The following RBFOX1 variants were observed in gnomAD, a reference collection of about 807,000 sequenced individuals.
The protein encoded by RBFOX1 is RNA binding protein fox-1 homolog 1.
Under a neutral mutation model 57.7 loss-of-function variants are expected in RBFOX1, and 8 were observed. The ratio of observed to expected loss-of-function variants is 0.14; its 90% CI spans 0.08 to 0.25. RBFOX1 has a LOEUF of 0.25. Among genes scored for constraint, RBFOX1 ranks in the 10% least tolerant of loss-of-function variants. The pLI is 1.00. For synonymous variants in RBFOX1, 326 were observed against 222.4 expected (o/e 1.47, Z -4.15); for missense variants, 611 against 548.5 (o/e 1.11, Z -1.14).
At position 7,014,746 on chromosome 16, in the gene RBFOX1, A is replaced by G. The variant is rs534782337; in HGVS notation, c.-15-37311A>G. ...TTCTTTACCAGGTTGTTTTTTCGAG[A>G]TGGAGTCTCGCTCTGTCACCCAGGC... On this transcript the variant is annotated intron_variant, in intron 3 of 15. Transcript: ENST00000550418. Among the ~76,000 whole-genome samples, 4 of 150,262 alleles carry G rather than the reference A, an allele frequency of 2.7e-5. No individual in the cohort carries two copies. The South Asian group carries it at 8.5e-4, about 32-fold the overall frequency.
At chr16:5,479,517 G>C (rs1597233118) in intron 2 of RBFOX1, among the ~76,000 whole-genome samples, 1 of 152,134 alleles carries the variant, frequency 6.6e-6, no homozygotes, top group Admixed American at 6.5e-5. Context: ...CCAGCACTTT[G>C]GGAGGCTGAG....
At chr16:6,310,668 A>G (rs114406204) in intron 1 of RBFOX1, among the ~76,000 whole-genome samples, 3 of 152,146 alleles carry the variant, frequency 2.0e-5, no homozygotes, top group African/African-American at 7.2e-5. Flanking sequence ...ATGTCAAACT[A>G]TTTGTCAAAC....
At chr16:6,110,195 C>CTTTT (rs3049169) in intron 1 of RBFOX1, among the ~76,000 whole-genome samples, 21 of 128,238 alleles carry the variant, frequency 1.6e-4, no homozygotes, top group African/African-American at 4.7e-4. Context: ...TTTTCTTCTT[C>CTTTT]TTTTTTTTTT....
At chr16:7,217,844 GCATGTGTGTGGGCATGTGTGTA>G (rs1436270495) in intron 4 of RBFOX1, among the ~76,000 whole-genome samples, 1 of 152,196 alleles carries the variant, frequency 6.6e-6, no homozygotes, top group Non-Finnish European at 1.5e-5. Flanking sequence ...ACTACTCACT[GCATGTGTGTGGGCATGTGTGTA>G]CACGCGTGTG....
chr16:5,908,279 C>CATAT (rs202003225), intron 4 of RBFOX1, among the ~76,000 whole-genome samples: 3 of 142,822 alleles, frequency 2.1e-5, no homozygotes, highest in South Asian at 2.3e-4. Context: ...TATATACATA[C>CATAT]ATATATATAC....
At chr16:5,809,119 C>T (rs182016474) in intron 3 of RBFOX1, among the ~76,000 whole-genome samples, 88 of 152,294 alleles carry the variant, frequency 5.8e-4, no homozygotes, top group African/African-American at 1.8e-3. Context: ...TGGCTAGCCA[C>T]ATGGAGAAAG....
chr16:5,842,079 A>G (rs1329607545), intron 3 of RBFOX1, among the ~76,000 whole-genome samples: 2 of 152,088 alleles, frequency 1.3e-5, no homozygotes, highest in Non-Finnish European at 2.9e-5. Flanking sequence ...GCCCTGAATC[A>G]TGGATTTTGT....
intron 3 of RBFOX1, among the ~76,000 whole-genome samples, chr16:5,679,661 C>T (rs74004486): frequency 0.024 from 3,704 of 152,240 alleles, 156 homozygotes; most frequent in African/African-American, 0.083. Flanking sequence ...AATTCTCTTT[C>T]ATGAAGTCCT....
At chr16:5,680,147 T>TA (rs2050287879) in intron 3 of RBFOX1, among the ~76,000 whole-genome samples, 1 of 151,956 alleles carries the variant, frequency 6.6e-6, no homozygotes, top group Non-Finnish European at 1.5e-5. Flanking sequence ...AAGATATGTG[T>TA]GGGGGGTAAA....
intron 1 of RBFOX1, among the ~76,000 whole-genome samples, chr16:6,277,615 G>A (rs1425854282): frequency 4.7e-5 from 7 of 149,010 alleles, no homozygotes; most frequent in Non-Finnish European, 7.4e-5. Flanking sequence ...GCAGTGAGCC[G>A]TGATTGCACC....
intron 4 of RBFOX1, among the ~76,000 whole-genome samples, chr16:7,440,895 C>T (rs1446504372): frequency 1.3e-5 from 2 of 152,100 alleles, no homozygotes; most frequent in Non-Finnish European, 2.9e-5. Context: ...CTCAATTAGC[C>T]TGGCATGGTT....
chr16:6,728,811 C>A (rs76636328), intron 3 of RBFOX1, among the ~76,000 whole-genome samples: 2,370 of 152,226 alleles, frequency 0.016, 77 homozygotes, highest in African/African-American at 0.054. Flanking sequence ...AATTTATCTG[C>A]ATAATTGGAA....
intron 3 of RBFOX1, among the ~76,000 whole-genome samples, chr16:5,792,625 C>G (rs1187209563): frequency 6.6e-6 from 1 of 152,098 alleles, no homozygotes; most frequent in African/African-American, 2.4e-5. Context: ...GGTGGATCAC[C>G]TGAGGTCAGG....
intron 2 of RBFOX1, among the ~76,000 whole-genome samples, chr16:6,634,807 T>C (rs57938860): frequency 5.8e-5 from 6 of 103,032 alleles, no homozygotes; most frequent in Admixed American, 1.1e-4. Context: ...TATATTTGTA[T>C]TATATATAAT....
chr16:6,347,003 T>C (rs1450073440), intron 2 of RBFOX1, among the ~76,000 whole-genome samples: 1 of 152,142 alleles, frequency 6.6e-6, no homozygotes, highest in Non-Finnish European at 1.5e-5. Context: ...CTTGTTTACA[T>C]TGAATAAAGA....
intron 5 of RBFOX1, among the ~76,000 whole-genome samples, chr16:7,522,604 A>G (rs999704794): frequency 3.9e-5 from 6 of 152,210 alleles, no homozygotes; most frequent in African/African-American, 1.4e-4. Flanking sequence ...AAGAGATTGC[A>G]TCTGAGAAGC....
At chr16:6,958,770 A>C (rs868127614) in intron 3 of RBFOX1, among the ~76,000 whole-genome samples, 4 of 152,212 alleles carry the variant, frequency 2.6e-5, no homozygotes, top group African/African-American at 4.8e-5. Context: ...TTATGGGCAG[A>C]AACATTAATG....
At chr16:7,660,760 C>G (rs963786397) in intron 12 of RBFOX1, among the ~76,000 whole-genome samples, 5 of 152,192 alleles carry the variant, frequency 3.3e-5, no homozygotes, top group Non-Finnish European at 7.3e-5. Flanking sequence ...TCTATTCAAT[C>G]AGAACCTGTT....
At chr16:6,782,704 G>C (rs1002606241) in intron 3 of RBFOX1, among the ~76,000 whole-genome samples, 1 of 152,278 alleles carries the variant, frequency 6.6e-6, no homozygotes, top group South Asian at 2.1e-4. Flanking sequence ...GTATTATTCA[G>C]CTATCGAATG....
Sources: allele counts gnomAD v4.1 joint callset (sites outside exome capture counted in the v4.1 genomes callset), GRCh38; gene constraint gnomAD v4.1.1; transcripts MANE v1.5; gene names NCBI Gene and HGNC (gene_info 2026-07-23, HGNC 2026-07-21).